The following DNM2 variants were observed in gnomAD, a reference collection of about 807,000 sequenced individuals.
DNM2 encodes the protein dynamin-2.
A neutral mutation model predicts 99.0 loss-of-function variants in DNM2; 15 were observed. That is an observed-to-expected ratio of 0.15 (90% CI 0.10 to 0.23). The LOEUF (loss-of-function observed/expected upper bound fraction) is 0.23, where lower values mean the gene tolerates loss of function less well. DNM2 is among the 10% of genes least tolerant of loss of function. The probability of loss-of-function intolerance (pLI) is 1.00; values close to 1 mark genes in which losing one functional copy is unlikely to be tolerated. For synonymous variants in DNM2, 525 were observed against 481.2 expected, an observed-to-expected ratio of 1.09 and a Z score of -1.19; for missense variants, 742 against 1,189.4, an observed-to-expected ratio of 0.62 and a Z score of 5.53.
chr19:10,782,802 A>AT (rs2071423600), intron 5 of DNM2, among the ~76,000 whole-genome samples, 158 bp from the exon 6 acceptor site: 1 of 152,198 alleles, frequency 6.6e-6, no homozygotes. Flanking sequence ...TGCCATGTGC[A>AT]TTCGCACCCT....
chr19:10,718,155 A>G lies in DNM2; in HGVS notation c.-88A>G. On this transcript the variant is annotated 5_prime_UTR_variant, in exon 1 of 21. Transcript: ENST00000389253. ...GCCGAGGCCCGGGCGGGCGGGGAGC[A>G]ACGGCTACAGACGCCGCGGGGCCAG... 3.2e-6 allele frequency: 4 copies of G among 1,260,098 alleles called. No homozygotes were observed. Among genetic ancestry groups the G allele is most frequent in the Non-Finnish European group, 4.0e-6 (4 of 1,000,582 alleles). 78.1% of individuals were successfully genotyped at this position (1,260,098 alleles called of 1,614,324 possible). A position where few individuals can be genotyped will look rare whatever the true frequency, so the allele number is the denominator to read the frequency against.
chr19:10,719,346 T>C (rs1042412709), intron 1 of DNM2, among the ~76,000 whole-genome samples: 1 of 152,070 alleles, frequency 6.6e-6, no homozygotes, highest in African/African-American at 2.4e-5. Flanking sequence ...TTCCGAGTGC[T>C]AGAACACAGG....
intron 6 of DNM2, among the ~76,000 whole-genome samples, chr19:10,785,574 G>C (rs1404935498): frequency 6.6e-6 from 1 of 152,162 alleles, no homozygotes; most frequent in Non-Finnish European, 1.5e-5. Flanking sequence ...GGGACTACAG[G>C]TGTGTGCTGC....
Position 10,775,584 on chromosome 19 carries a change from C to A in DNM2, c.386-119C>A, listed in dbSNP as rs923509433. On this transcript the variant is annotated intron_variant, in intron 3 of 20. Coordinates refer to ENST00000389253, the MANE Select transcript of DNM2 (RefSeq NM_001005361.3). The surrounding 1 kb of genome is among the most constrained non-coding windows in gnomAD (Gnocchi z 4.3). ...GGTGTGGTTCAGGCAGAGTGTCAGG[C>A]GACATCCTCAAGTCTGAGCCCCGCG... is the stretch of plus-strand genomic sequence containing the variant. 3.6e-6 allele frequency: 4 copies of A among 1,099,804 alleles called. No homozygotes were observed. Among genetic ancestry groups the A allele is most frequent in the African/African-American group, 1.5e-5 (1 of 65,062 alleles). 68.1% of individuals were successfully genotyped at this position (1,099,804 alleles called of 1,614,324 possible).
intron 16 of DNM2, among the ~76,000 whole-genome samples, chr19:10,822,168 C>CA (rs1232372468): frequency 9.9e-5 from 15 of 151,084 alleles, no homozygotes; most frequent in African/African-American, 3.7e-4. Context: ...GACCCTGGTT[C>CA]TTTTTTCTTT....
rs539877943 is a variant in DNM2, at chr19:10,741,588, C to T, written c.162-18150C>T. ...TTTTTGAGACAGAGTCTTGCTCTGT[C>T]GCCCAGGCTGGAGTGCAGTGGCGCG... On this transcript the variant is annotated intron_variant, in intron 1 of 20. Coordinates refer to ENST00000389253, the MANE Select transcript of DNM2 (RefSeq NM_001005361.3). Among the ~76,000 whole-genome samples, 536 of 146,936 alleles carry T rather than the reference C, an allele frequency of 3.6e-3. 4 individuals are homozygous for T. Among genetic ancestry groups the T allele is most frequent in the African/African-American group, 0.012 (488 of 39,742 alleles).
chr19:10,813,660 T>C (rs2072629490), intron 15 of DNM2, among the ~76,000 whole-genome samples: 1 of 151,426 alleles, frequency 6.6e-6, no homozygotes. Flanking sequence ...CCTGTGTCTA[T>C]TAAAACCCAA....
intron 1 of DNM2, among the ~76,000 whole-genome samples, chr19:10,731,354 CTTTTT>C (rs369402403): frequency 1.4e-5 from 2 of 139,606 alleles, no homozygotes; most frequent in Non-Finnish European, 3.1e-5. Flanking sequence ...TCTTTTCCTT[CTTTTT>C]TTTTTTTTTT....
Position 10,772,581 on chromosome 19 carries a change from A to G in DNM2, c.338A>G (p.Lys113Arg), listed in dbSNP as rs755349115. Residue 113 changes from lysine (K) to arginine (R), a missense_variant, in exon 3 of 21, where the codon AAA becomes AGA. Physicochemically the swap from Lys to Arg is conservative, Grantham distance 26. Transcript: ENST00000389253. This position sits in a 1 kb window ranked among gnomAD's most constrained non-coding sequence, Gnocchi z 4.9. ...AETDRVTGTN[K>R]GISPVPINLR... ...ACCGACAGGGTCACGGGGACCAACAAAGGCATCTCCCCAGTGCCCATCAAC... is the reference window on the plus strand; with the variant it reads ...ACCGACAGGGTCACGGGGACCAACAGAGGCATCTCCCCAGTGCCCATCAAC... 6.2e-7 allele frequency: 1 copy of G among 1,614,094 alleles called. No homozygotes were observed. The highest frequency in any genetic ancestry group is 8.5e-7 in the Non-Finnish European group (1 of 1,180,006).
At chr19:10,814,793 G>A (rs778979952) in intron 15 of DNM2, among the ~76,000 whole-genome samples, 9 of 152,072 alleles carry the variant, frequency 5.9e-5, no homozygotes, top group Non-Finnish European at 1.0e-4. Flanking sequence ...TGCTGCAAAT[G>A]ACAGGATCTC....
chr19:10,768,370 C>T (rs544765740), intron 2 of DNM2, among the ~76,000 whole-genome samples: 14 of 152,236 alleles, frequency 9.2e-5, no homozygotes, highest in Non-Finnish European at 1.8e-4. Flanking sequence ...AGGAGAATGG[C>T]ATGAACCCAG....
intron 15 of DNM2, among the ~76,000 whole-genome samples, chr19:10,819,024 G>A (rs1347528843): frequency 2.6e-5 from 4 of 152,056 alleles, no homozygotes; most frequent in Admixed American, 1.3e-4. Flanking sequence ...TCCGTGACTC[G>A]CCAGCCCCTT....
chr19:10,731,910 G>A (rs1276810785), intron 1 of DNM2, among the ~76,000 whole-genome samples: 1 of 152,120 alleles, frequency 6.6e-6, no homozygotes, highest in Non-Finnish European at 1.5e-5. Flanking sequence ...GCCCCACCTG[G>A]AATGTGCTCC....
intron 1 of DNM2, among the ~76,000 whole-genome samples, chr19:10,746,998 A>G (rs1568276532): frequency 6.6e-6 from 1 of 151,514 alleles, no homozygotes; most frequent in Non-Finnish European, 1.5e-5. Context: ...CGGCCCCGCA[A>G]AGTGCTGAGA....
intron 14 of DNM2, chr19:10,809,097 G>A (rs949947016): frequency 1.3e-5 from 2 of 154,190 alleles, no homozygotes; most frequent in Admixed American, 1.3e-4. Flanking sequence ...TCTAGCACAC[G>A]CCCATGGCAG....
intron 1 of DNM2, among the ~76,000 whole-genome samples, chr19:10,729,249 T>G (rs1346513657): frequency 1.3e-5 from 2 of 149,690 alleles, no homozygotes; most frequent in Non-Finnish European, 3.0e-5. Flanking sequence ...CTCGGGAGGC[T>G]GAGGCAGGAG....
At chr19:10,793,128 C>T (rs111385637) in intron 7 of DNM2, among the ~76,000 whole-genome samples, 5 of 152,162 alleles carry the variant, frequency 3.3e-5, no homozygotes, top group African/African-American at 1.2e-4. Flanking sequence ...TGTGGGCACA[C>T]AAAATAACAG....
At chr19:10,747,418 C>T (rs1377314039) in intron 1 of DNM2, among the ~76,000 whole-genome samples, 1 of 152,166 alleles carries the variant, frequency 6.6e-6, no homozygotes, top group Non-Finnish European at 1.5e-5. Flanking sequence ...GCTTTTGCTC[C>T]CAGCCTGTTG....
At chr19:10,807,539 CTTTTTTTT>C (rs763788862) in intron 13 of DNM2, among the ~76,000 whole-genome samples, 1 of 91,212 alleles carries the variant, frequency 1.1e-5, no homozygotes, top group Non-Finnish European at 2.0e-5. Context: ...CACGTCCAGC[CTTTTTTTT>C]TTTTTTTTTT....
Sources: allele counts gnomAD v4.1 joint callset (sites outside exome capture counted in the v4.1 genomes callset), GRCh38; gene constraint gnomAD v4.1.1; non-coding constraint Gnocchi (gnomAD v3.1); transcripts MANE v1.5; gene names NCBI Gene and HGNC (gene_info 2026-07-23, HGNC 2026-07-21).